The following VPS41 variants were observed in gnomAD, a reference collection of about 807,000 sequenced individuals.
VPS41 encodes vacuolar protein sorting-associated protein 41 homolog.
VPS41 carries 85 observed loss-of-function variants against 130.9 expected under a neutral mutation model. That is an observed-to-expected ratio of 0.65 (90% CI 0.55 to 0.78). The LOEUF is 0.78. Among genes scored for constraint, VPS41 ranks in the 30% least tolerant of loss-of-function variants. The pLI, the probability that VPS41 is intolerant of heterozygous loss-of-function variation, is 0.00. For missense variants in VPS41, 874 were observed against 1,018.7 expected (o/e 0.86, Z 1.93); for synonymous variants, 335 against 332.9 (o/e 1.01, Z -0.07).
chr7:38,874,802 A>C (rs1263395768), intron 2 of VPS41, among the ~76,000 whole-genome samples: 2 of 152,162 alleles, frequency 1.3e-5, no homozygotes, highest in Admixed American at 1.3e-4. Context: ...TTCCTCTAGA[A>C]CATTCTTTCT....
At chr7:38,730,768 A>G (rs970037523) in intron 25 of VPS41, among the ~76,000 whole-genome samples, 3 of 152,330 alleles carry the variant, frequency 2.0e-5, no homozygotes, top group African/African-American at 7.2e-5. Context: ...TAATGGTTTC[A>G]ACCACAACAT....
chr7:38,902,059 C>T (rs1787157569), intron 1 of VPS41, among the ~76,000 whole-genome samples: 1 of 152,120 alleles, frequency 6.6e-6, no homozygotes, highest in Non-Finnish European at 1.5e-5. Context: ...TTCATTTTAC[C>T]TTTCTTTTGC....
At chr7:38,843,540 G>A (rs1785657771) in intron 4 of VPS41, among the ~76,000 whole-genome samples, 1 of 148,778 alleles carries the variant, frequency 6.7e-6, no homozygotes, top group Admixed American at 6.6e-5. Flanking sequence ...AAATTAGCCG[G>A]GCGCGGTGCT....
intron 25 of VPS41, among the ~76,000 whole-genome samples, chr7:38,729,020 C>A (rs1400026332): frequency 4.6e-5 from 7 of 152,174 alleles, no homozygotes; most frequent in Non-Finnish European, 5.9e-5. Flanking sequence ...TTTCTTCCAA[C>A]CATACACGGG....
chr7:38,797,853 A>C (rs1784651329), intron 7 of VPS41, among the ~76,000 whole-genome samples: 1 of 152,232 alleles, frequency 6.6e-6, no homozygotes, highest in Non-Finnish European at 1.5e-5. Flanking sequence ...ATACAGGCAG[A>C]GGAAGCACAA....
intron 4 of VPS41, among the ~76,000 whole-genome samples, chr7:38,858,228 T>C (rs1170895746): frequency 6.6e-6 from 1 of 152,222 alleles, no homozygotes; most frequent in African/African-American, 2.4e-5. Context: ...TTTCAAAATA[T>C]GCCAAAGAAA....
intron 7 of VPS41, among the ~76,000 whole-genome samples, chr7:38,809,342 T>C (rs1784897672): frequency 6.8e-6 from 1 of 147,586 alleles, no homozygotes; most frequent in Non-Finnish European, 1.5e-5. Flanking sequence ...AATATATATA[T>C]ATGTATATTT....
chr7:38,737,746 G>A (rs1795798814), intron 25 of VPS41, among the ~76,000 whole-genome samples: 1 of 152,184 alleles, frequency 6.6e-6, no homozygotes, highest in African/African-American at 2.4e-5. Flanking sequence ...GGAAACTCCT[G>A]AGTGTTGTGT....
intron 2 of VPS41, among the ~76,000 whole-genome samples, chr7:38,884,897 T>C (rs1392181115): frequency 3.3e-5 from 5 of 152,190 alleles, no homozygotes; most frequent in Non-Finnish European, 7.3e-5. Context: ...GCCTGTTTTT[T>C]CCCTTCTTAT....
chr7:38,890,554 G>A (rs1429814790), intron 2 of VPS41, among the ~76,000 whole-genome samples: 5 of 152,164 alleles, frequency 3.3e-5, no homozygotes, highest in Admixed American at 1.3e-4. Flanking sequence ...CATGTAATAC[G>A]GGTGAAATCC....
intron 25 of VPS41, among the ~76,000 whole-genome samples, chr7:38,732,471 T>G (rs766775324): frequency 6.6e-6 from 1 of 152,198 alleles, no homozygotes; most frequent in Non-Finnish European, 1.5e-5. Flanking sequence ...ACTCTTAATT[T>G]TTATGTTAAG....
chr7:38,798,905 T>G (rs759793260), intron 7 of VPS41, among the ~76,000 whole-genome samples: 28 of 152,068 alleles, frequency 1.8e-4, no homozygotes, highest in Non-Finnish European at 3.4e-4. Context: ...ATGCTAATAA[T>G]AAGACTCCAG....
intron 3 of VPS41, among the ~76,000 whole-genome samples, chr7:38,866,157 C>T (rs1162086778): frequency 6.6e-6 from 1 of 152,110 alleles, no homozygotes; most frequent in Admixed American, 6.5e-5. Flanking sequence ...GCCAGAGCAC[C>T]ACACTTATGG....
intron 25 of VPS41, among the ~76,000 whole-genome samples, chr7:38,740,538 G>C (rs768415807): frequency 6.6e-6 from 1 of 151,974 alleles, no homozygotes; most frequent in Non-Finnish European, 1.5e-5. Flanking sequence ...CCTTTCTCCT[G>C]GGTCATCTGC....
intron 1 of VPS41, among the ~76,000 whole-genome samples, chr7:38,898,921 C>T (rs929261723): frequency 6.7e-6 from 1 of 149,688 alleles, no homozygotes; most frequent in African/African-American, 2.5e-5. Context: ...AATGTAAGCA[C>T]TTTACAACAA....
chr7:38,867,005 G>A (rs1786243867), intron 3 of VPS41, among the ~76,000 whole-genome samples: 1 of 152,170 alleles, frequency 6.6e-6, no homozygotes. Context: ...ACTGATACAT[G>A]CTACATCATG....
intron 2 of VPS41, among the ~76,000 whole-genome samples, chr7:38,874,750 G>T (rs987634074): frequency 3.3e-5 from 5 of 151,954 alleles, no homozygotes; most frequent in Admixed American, 6.6e-5. Flanking sequence ...AAAGAAAATC[G>T]ATAACCAACC....
chr7:38,727,011 G>C (rs73119730), intron 27 of VPS41, 23 bp from the exon 28 acceptor site: 64,690 of 1,506,190 alleles, frequency 0.043, 1,660 homozygotes, highest in Non-Finnish European at 0.051. Flanking sequence ...GCAGAGAAAG[G>C]AGGAGAACTT....
At chr7:38,862,470 G>C in intron 4 of VPS41, 75 bp downstream of exon 4, 1 of 926,532 alleles carries the variant, frequency 1.1e-6, no homozygotes, top group Middle Eastern at 2.5e-4. Context: ...AAAACAAACT[G>C]GTAAACCAAT....
Sources: gnomAD v4.1 joint callset for allele counts (sites outside exome capture counted in the v4.1 genomes callset) on GRCh38, gnomAD v4.1.1 for gene constraint, MANE v1.5 for transcripts, NCBI Gene and HGNC (gene_info 2026-07-23, HGNC 2026-07-21) for gene names.